PCDH9: variants seen among roughly 807,000 people sequenced by gnomAD.
The protein encoded by PCDH9 is protocadherin-9.
PCDH9 carries 24 observed loss-of-function variants against 70.6 expected under a neutral mutation model. The observed-to-expected ratio is 0.34, with a 90% CI of 0.25 to 0.48. PCDH9 has a LOEUF of 0.48. Among genes scored for constraint, PCDH9 ranks in the 20% least tolerant of loss-of-function variants. The pLI is 0.99. For missense variants in PCDH9, 1,281 were observed against 1,503.6 expected (o/e 0.85, Z 2.45); for synonymous variants, 562 against 558.5 (o/e 1.01, Z -0.09).
At chr13:66,348,276 G>A (rs1226087489) in intron 4 of PCDH9, among the ~76,000 whole-genome samples, 1 of 152,036 alleles carries the variant, frequency 6.6e-6, no homozygotes, top group Admixed American at 6.6e-5. Flanking sequence ...CTGCCACCAT[G>A]CAGACACACA....
intron 4 of PCDH9, among the ~76,000 whole-genome samples, chr13:66,436,929 T>G (rs765760226): frequency 5.3e-5 from 8 of 151,856 alleles, no homozygotes; most frequent in Non-Finnish European, 1.2e-4. Context: ...AAAAAAAAAG[T>G]TATAATAAAA....
At chr13:67,214,933 CAG>C (rs1482427344) in intron 2 of PCDH9, 5 of 26,130 alleles carry the variant, frequency 1.9e-4, no homozygotes, top group African/African-American at 6.1e-4. Flanking sequence ...TATTGCGAGC[CAG>C]ATATATATAT....
intron 2 of PCDH9, among the ~76,000 whole-genome samples, chr13:66,992,929 G>T (rs1194921119): frequency 6.6e-6 from 1 of 150,506 alleles, no homozygotes; most frequent in Non-Finnish European, 1.5e-5. Flanking sequence ...ATCCTGAATG[G>T]ACTACATCTA....
chr13:66,734,576 C>T (rs190485528), intron 3 of PCDH9, among the ~76,000 whole-genome samples: 1,549 of 152,262 alleles, frequency 0.01, 8 homozygotes, highest in Non-Finnish European at 0.015. Context: ...TGGGTAACAA[C>T]TAAGTGTCAA....
At chr13:66,474,932 C>T (rs553772787) in intron 4 of PCDH9, among the ~76,000 whole-genome samples, 5 of 152,014 alleles carry the variant, frequency 3.3e-5, no homozygotes, top group African/African-American at 9.6e-5. Context: ...CAATGTTATC[C>T]CAAGAATAAT....
intron 4 of PCDH9, among the ~76,000 whole-genome samples, chr13:66,378,604 C>A (rs575304762): frequency 7.2e-5 from 11 of 152,108 alleles, no homozygotes; most frequent in African/African-American, 1.2e-4. Flanking sequence ...TTCACCTAGA[C>A]CTGAGTCCTT....
At position 67,034,854 on chromosome 13, in the gene PCDH9, C is replaced by T. The variant is rs556378274; in HGVS notation, c.3037-131249G>A. 2.0e-5 allele frequency among the ~76,000 whole-genome samples: 3 copies of T among 151,704 alleles called. No homozygotes were observed. In the South Asian group the frequency reaches 6.3e-4, roughly 32 times the overall value. The stretch of plus-strand genomic sequence containing the variant: ...TACTAAATGCCTATAAGTTCAGTGA[C>T]ATATCACTGCTGAAAGTTTAGACAA... On this transcript the variant is annotated intron_variant, in intron 2 of 4. Transcript: ENST00000377865.
chr13:66,484,335 G>A (rs958879990), intron 4 of PCDH9, among the ~76,000 whole-genome samples: 5 of 152,054 alleles, frequency 3.3e-5, no homozygotes, highest in Non-Finnish European at 7.4e-5. Context: ...ACATACTGCC[G>A]TAGGGTCGTA....
intron 2 of PCDH9, among the ~76,000 whole-genome samples, chr13:67,050,631 T>C (rs2085303676): frequency 6.6e-6 from 1 of 152,216 alleles, no homozygotes; most frequent in East Asian, 1.9e-4. Context: ...TGTTGTCATT[T>C]GGCTCAAACT....
At chr13:66,564,089 G>A (rs112959063) in intron 4 of PCDH9, among the ~76,000 whole-genome samples, 2,305 of 152,064 alleles carry the variant, frequency 0.015, 30 homozygotes, top group Non-Finnish European at 0.021. Context: ...ATAAACCAGG[G>A]GAATACAACA....
intron 2 of PCDH9, among the ~76,000 whole-genome samples, chr13:67,163,713 A>T (rs2088026097): frequency 1.3e-5 from 2 of 152,222 alleles, no homozygotes; most frequent in South Asian, 4.1e-4. Context: ...GTTTGCAGAG[A>T]TATGCGATCA....
chr13:66,345,168 T>G (rs1956193871), intron 4 of PCDH9, among the ~76,000 whole-genome samples: 1 of 152,170 alleles, frequency 6.6e-6, no homozygotes, highest in African/African-American at 2.4e-5. Flanking sequence ...AGGGCAGTGT[T>G]CCTTATTTTG....
intron 2 of PCDH9, among the ~76,000 whole-genome samples, chr13:66,934,708 C>CTTTTTTT (rs1158291293): frequency 4.2e-5 from 2 of 47,304 alleles, no homozygotes; most frequent in Non-Finnish European, 7.5e-5. Context: ...CATGTGTTTG[C>CTTTTTTT]TTTTTTTTTT....
intron 3 of PCDH9, among the ~76,000 whole-genome samples, chr13:66,709,764 C>T (rs969216733): frequency 6.6e-6 from 1 of 152,032 alleles, no homozygotes; most frequent in African/African-American, 2.4e-5. Context: ...CTAGCAAAAA[C>T]CTCTAAGGCT....
chr13:67,014,854 C>T (rs1178737457), intron 2 of PCDH9, among the ~76,000 whole-genome samples: 2 of 152,070 alleles, frequency 1.3e-5, no homozygotes, highest in African/African-American at 2.4e-5. Flanking sequence ...TTGAGCCTTG[C>T]TCCTCTGCAA....
chr13:67,083,748 G>C (rs917893002), intron 2 of PCDH9, among the ~76,000 whole-genome samples: 7 of 152,120 alleles, frequency 4.6e-5, no homozygotes, highest in Non-Finnish European at 7.4e-5. Context: ...ACACCAGAGA[G>C]GGCTGTTCTA....
intron 2 of PCDH9, among the ~76,000 whole-genome samples, chr13:67,051,390 T>TTA (rs1314292774): frequency 7.7e-6 from 1 of 130,004 alleles, no homozygotes; most frequent in African/African-American, 2.9e-5. Flanking sequence ...AGATTTTTTT[T>TTA]TTTTTTTTTT....
chr13:66,688,377 G>C (rs1405623460), intron 3 of PCDH9, among the ~76,000 whole-genome samples: 1 of 152,126 alleles, frequency 6.6e-6, no homozygotes. Context: ...GTATTCTTCA[G>C]CTCTTCCTGA....
rs528933876 is a variant in PCDH9 at position 66,970,351 on chromosome 13, G to T, written c.3037-66746C>A. On this transcript the variant is annotated intron_variant, in intron 2 of 4. Transcript: ENST00000377865. The stretch of plus-strand genomic sequence containing the variant: ...TAAGAAAAAAATAGAGTTAAAGTCT[G>T]GGCATGGTGACTCAGGCTGGTAATC... 3.3e-5 allele frequency among the ~76,000 whole-genome samples: 5 copies of T among 151,952 alleles called. No homozygotes were observed. In the South Asian group the frequency reaches 1.0e-3, roughly 32 times the overall value.
Sources: gnomAD v4.1 joint callset for allele counts (sites outside exome capture counted in the v4.1 genomes callset) on GRCh38, gnomAD v4.1.1 for gene constraint, MANE v1.5 for transcripts, NCBI Gene and HGNC (gene_info 2026-07-23, HGNC 2026-07-21) for gene names.